Variants in GTF2IRD2B observed in about 807,000 individuals in gnomAD.
GTF2IRD2B encodes the protein GTF2I repeat domain containing 2B.
Under a neutral mutation model 55.6 loss-of-function variants are expected in GTF2IRD2B, and 10 were observed. The observed-to-expected ratio is 0.18, with a 90% CI of 0.11 to 0.31. The LOEUF (loss-of-function observed/expected upper bound fraction) is 0.31. Among genes scored for constraint, GTF2IRD2B ranks in the 10% least tolerant of loss-of-function variants. The pLI, the probability that GTF2IRD2B is intolerant of heterozygous loss-of-function variation, is 1.00. For missense variants in GTF2IRD2B, 206 were observed against 802.7 expected (o/e 0.26, Z 8.98); for synonymous variants, 107 against 320.5 (o/e 0.33, Z 7.12).
intron 1 of GTF2IRD2B, among the ~76,000 whole-genome samples, chr7:75,105,071 C>G (rs1807736820): frequency 6.6e-6 from 1 of 152,302 alleles, no homozygotes; most frequent in Non-Finnish European, 1.5e-5. Context: ...GTGGCATGCA[C>G]CTGTAGTCCC....
chr7:75,096,761 C>A (rs1807393108), intron 1 of GTF2IRD2B, among the ~76,000 whole-genome samples: 1 of 150,796 alleles, frequency 6.6e-6, no homozygotes, highest in African/African-American at 2.5e-5. Flanking sequence ...GTGATCATTA[C>A]ATTTTTGTTG....
intron 3 of GTF2IRD2B, among the ~76,000 whole-genome samples, chr7:75,118,074 C>CAAAAAAA (rs57631816): frequency 9.6e-6 from 1 of 103,818 alleles, no homozygotes; most frequent in Non-Finnish European, 2.0e-5. Context: ...CAGAGCAAGA[C>CAAAAAAA]AAAAAAAAAA....
chr7:75,105,692 A>G (rs1267625012), intron 1 of GTF2IRD2B, among the ~76,000 whole-genome samples: 1 of 152,310 alleles, frequency 6.6e-6, no homozygotes, highest in Non-Finnish European at 1.5e-5. Context: ...GTGTCTTCAA[A>G]GAATTTTGGT....
chr7:75,140,527 CT>C (rs1171281832), intron 12 of GTF2IRD2B, among the ~76,000 whole-genome samples: 55 of 86,188 alleles, frequency 6.4e-4, no homozygotes, highest in African/African-American at 1.1e-3. Flanking sequence ...ACATCCTTGT[CT>C]TTTTTTTTTT....
chr7:75,148,182 G>A lies in GTF2IRD2B; in HGVS notation c.1735G>A (p.Glu579Lys), dbSNP rs1554454530. The A allele has an allele frequency of 3.1e-6, 5 of 1,613,806 alleles. No homozygotes were observed. The East Asian group carries it at 8.9e-5, about 29-fold the overall frequency. ...CGATGAGAATTTCGATGTGTCCGAA[G>A]AACTTCTGGACACGGTGCCCATGAC... Reference protein sequence around the residue: ...GVDENFDVSEELLDTVPMTGT... With the variant: ...GVDENFDVSEKLLDTVPMTGT... Residue 579 changes from glutamate to lysine, a missense_variant, in exon 16 of 16, where the codon GAA becomes AAA. Physicochemically the swap from Glu to Lys is moderately conservative, Grantham distance 56 (BLOSUM62 1). Transcript: ENST00000472837.
At chr7:75,106,427 A>C (rs1344891822) in intron 1 of GTF2IRD2B, among the ~76,000 whole-genome samples, 1 of 151,174 alleles carries the variant, frequency 6.6e-6, no homozygotes, top group Non-Finnish European at 1.5e-5. Context: ...TTCCTTCCGC[A>C]TGCACACTCA....
intron 10 of GTF2IRD2B, among the ~76,000 whole-genome samples, chr7:75,136,134 G>A (rs1808827241): frequency 8.8e-6 from 1 of 113,792 alleles, no homozygotes; most frequent in Non-Finnish European, 1.7e-5. Flanking sequence ...GAGTGAGACT[G>A]TCTCAATAAT....
In GTF2IRD2B at chr7:75,148,576, A is replaced by G; in HGVS notation, c.2129A>G (p.Glu710Gly). The change falls in exon 16 of 16, where the codon GAG (glutamate) becomes GGG (glycine). Residue 710 changes from glutamate (E) to glycine (G), a missense_variant. By Grantham distance (98) the Glu-to-Gly change is moderately conservative. Coordinates refer to ENST00000472837, the MANE Select transcript of GTF2IRD2B (RefSeq NM_001003795.3). ...TATGGTAGCCTCCTGTACTACACGGAGATTAAGTGGCTCAGTCGCGGGCTC... is the reference window on the plus strand; with the variant it reads ...TATGGTAGCCTCCTGTACTACACGGGGATTAAGTGGCTCAGTCGCGGGCTC... Reference protein sequence around the residue: ...SQYGSLLYYTEIKWLSRGLVL... With the variant: ...SQYGSLLYYTGIKWLSRGLVL... 1.3e-6 allele frequency: 1 copy of G among 789,846 alleles called. No individual in the cohort carries two copies. The highest frequency in any genetic ancestry group is 2.1e-6 in the Non-Finnish European group (1 of 480,296). 48.9% of individuals were successfully genotyped at this position (789,846 alleles called of 1,614,324 possible).
chr7:75,121,450 G>C (rs1381398567), intron 4 of GTF2IRD2B, among the ~76,000 whole-genome samples: 2 of 151,834 alleles, frequency 1.3e-5, no homozygotes, highest in East Asian at 3.8e-4. Context: ...TATCAAGCGA[G>C]GAGCTAGTTC....
chr7:75,119,112 T>G lies in GTF2IRD2B; in HGVS notation c.239-1779T>G, dbSNP rs1412032787. On this transcript the variant is annotated intron_variant, in intron 3 of 15. Transcript: ENST00000472837. ...AGGTGGCTGAGGCACAAGAATTGCT[T>G]GAACCCGGGAGGCAGAGGTTGCAGT... 2.3e-3 allele frequency among the ~76,000 whole-genome samples: 289 copies of G among 126,430 alleles called. 2 individuals are homozygous for G. The highest frequency in any genetic ancestry group is 2.7e-3 in the Non-Finnish European group (170 of 63,054). The allele number at this position is 126,430 out of a possible 152,430, so 82.9% of individuals were successfully genotyped here. A position where few individuals can be genotyped will look rare whatever the true frequency, so the allele number is the denominator to read the frequency against.
intron 3 of GTF2IRD2B, among the ~76,000 whole-genome samples, chr7:75,117,118 T>C (rs1386821521): frequency 2.7e-5 from 4 of 149,812 alleles, no homozygotes; most frequent in African/African-American, 9.8e-5. Flanking sequence ...TCTGTGGCAA[T>C]TGAGATGATC....
chr7:75,102,857 G>A (rs1554449671), intron 1 of GTF2IRD2B, among the ~76,000 whole-genome samples: 1 of 151,958 alleles, frequency 6.6e-6, no homozygotes, highest in African/African-American at 2.4e-5. Flanking sequence ...TACTTGGGAG[G>A]CTGAGGCAGA....
At chr7:75,104,452 A>G (rs1554421472) in intron 1 of GTF2IRD2B, among the ~76,000 whole-genome samples, 4 of 149,412 alleles carry the variant, frequency 2.7e-5, no homozygotes, top group South Asian at 2.1e-4. Context: ...TGATGACATC[A>G]TAGATCAATG....
intron 10 of GTF2IRD2B, among the ~76,000 whole-genome samples, chr7:75,136,430 A>G (rs1283409381): frequency 1.4e-5 from 2 of 145,686 alleles, no homozygotes; most frequent in African/African-American, 5.2e-5. Flanking sequence ...CCTCCTGAGT[A>G]GCTGGGATTA....
At position 75,148,196 on chromosome 7, in the gene GTF2IRD2B, G is replaced by C; in HGVS notation, c.1749G>C (p.Thr583=). 6.2e-7 allele frequency: 1 copy of C among 1,613,768 alleles called. No homozygotes were observed. Among genetic ancestry groups the C allele is most frequent in the Non-Finnish European group, 8.5e-7 (1 of 1,179,830 alleles). The change falls in exon 16 of 16, where the codon ACG becomes ACC. Residue 583 remains threonine, a synonymous_variant. Transcript: ENST00000472837. ...NFDVSEELLD[T]VPMTGTKSGN... is the part of the protein sequence containing the mutation. ...ATGTGTCCGAAGAACTTCTGGACAC[G>C]GTGCCCATGACGGGTACAAAATCTG... is the stretch of plus-strand genomic sequence containing the variant.
At chr7:75,105,296 GGGTTCGAGACCAGCCT>G in intron 1 of GTF2IRD2B, among the ~76,000 whole-genome samples, 1 of 152,302 alleles carries the variant, frequency 6.6e-6, no homozygotes, top group African/African-American at 2.4e-5. Flanking sequence ...TTGAGGTCAA[GGGTTCGAGACCAGCCT>G]GGCCAACATG....
chr7:75,102,463 G>C (rs1411061890), intron 1 of GTF2IRD2B, among the ~76,000 whole-genome samples: 1 of 151,494 alleles, frequency 6.6e-6, no homozygotes, highest in Non-Finnish European at 1.5e-5. Context: ...TGGATTTTAA[G>C]TTGAGGGGAT....
At position 75,124,012 on chromosome 7, in the gene GTF2IRD2B, T is replaced by C. The variant is rs199952800; in HGVS notation, c.571+496T>C. 486 of 152,876 alleles carry C rather than the reference T, an allele frequency of 3.2e-3. 2 individuals are homozygous for C. Among genetic ancestry groups the C allele is most frequent in the East Asian group, 0.017 (89 of 5,372 alleles). 9.5% of individuals were successfully genotyped at this position (152,876 alleles called of 1,614,324 possible). On this transcript the variant is annotated intron_variant, in intron 6 of 15. Transcript: ENST00000472837. Reference sequence around the variant, plus strand: ...CATTCTGCAGATGTATCCCCCCCCCTTTTTTTTTTAGAAGAAATAAAGAAT... The same window carrying C: ...CATTCTGCAGATGTATCCCCCCCCCCTTTTTTTTTAGAAGAAATAAAGAAT...
chr7:75,134,625 G>A (rs1808775660), intron 9 of GTF2IRD2B, among the ~76,000 whole-genome samples: 1 of 124,782 alleles, frequency 8.0e-6, no homozygotes, highest in South Asian at 2.5e-4. Flanking sequence ...GAATGCAGTG[G>A]CGTGATCATG....
Sources: gnomAD v4.1 joint callset for allele counts (sites outside exome capture counted in the v4.1 genomes callset) on GRCh38, gnomAD v4.1.1 for gene constraint, MANE v1.5 for transcripts, NCBI Gene and HGNC (gene_info 2026-07-23, HGNC 2026-07-21) for gene names.